The following SEC14L1 variants were observed in gnomAD, a reference collection of about 807,000 sequenced individuals.
SEC14L1 encodes the protein SEC14-like protein 1.
A neutral mutation model predicts 85.3 loss-of-function variants in SEC14L1; 48 were observed. That is an observed-to-expected ratio of 0.56 (90% confidence interval 0.45 to 0.72). The LOEUF (loss-of-function observed/expected upper bound fraction) is 0.72. Among genes scored for constraint, SEC14L1 ranks in the 30% least tolerant of loss-of-function variants. The pLI is 0.00. For synonymous variants in SEC14L1, 391 were observed against 355.5 expected (o/e 1.10, Z -1.12); for missense variants, 682 against 921.4 (o/e 0.74, Z 3.36).
chr17:77,142,584 C>G (rs1041343524), intron 1 of SEC14L1, 62 bp from the exon 2 acceptor site: 9 of 144,022 alleles, frequency 6.2e-5, no homozygotes, highest in Admixed American at 4.9e-4. Context: ...AAAAAGGAAT[C>G]TTGGAAGTTT....
intron 5 of SEC14L1, among the ~76,000 whole-genome samples, chr17:77,193,182 T>G (rs1475368636): frequency 2.6e-5 from 4 of 152,222 alleles, no homozygotes; most frequent in Non-Finnish European, 5.9e-5. Flanking sequence ...GAAGCTCTCC[T>G]TTTATAGTCA....
At chr17:77,175,450 A>G (rs968181754) in intron 3 of SEC14L1, among the ~76,000 whole-genome samples, 2 of 152,218 alleles carry the variant, frequency 1.3e-5, no homozygotes, top group Non-Finnish European at 2.9e-5. Context: ...AAATCGTTAC[A>G]GGTTCATAAC....
intron 3 of SEC14L1, among the ~76,000 whole-genome samples, chr17:77,185,920 G>A (rs1356686160): frequency 1.3e-5 from 2 of 152,152 alleles, no homozygotes; most frequent in African/African-American, 4.8e-5. Context: ...CAGATACTGA[G>A]TGATTTTTCA....
In SEC14L1 at chr17:77,147,714, C is replaced by T. The variant is rs1170587263; in HGVS notation, c.63+4055C>T. Among the ~76,000 whole-genome samples the T allele has an allele frequency of 2.0e-5, 3 of 152,280 alleles. No individual in the cohort carries two copies. The East Asian group carries it at 5.8e-4, about 29-fold the overall frequency. ...TGAAAGAGAAATCAAAACTTCTTGG[C>T]CACACACAAACGAAAGCCTCACACC... On this transcript the variant is annotated intron_variant, in intron 3 of 16. Transcript: ENST00000436233.
At chr17:77,198,630 A>G (rs1975941804) in intron 8 of SEC14L1, among the ~76,000 whole-genome samples, 1 of 149,838 alleles carries the variant, frequency 6.7e-6, no homozygotes, top group Admixed American at 6.7e-5. Context: ...GCTGGAGTGC[A>G]GTGGCGCGAT....
chr17:77,168,874 C>T (rs962219530), intron 3 of SEC14L1, among the ~76,000 whole-genome samples: 4 of 151,972 alleles, frequency 2.6e-5, no homozygotes, highest in Admixed American at 1.3e-4. Context: ...TATAGTTGAC[C>T]ACCAGAACAG....
rs866433757 is a variant in SEC14L1, at chr17:77,089,580, C to G, written c.-240+309C>G. The G allele has an allele frequency of 7.1e-5, 33 of 463,820 alleles. No homozygotes were observed. The Middle Eastern group carries it at 6.4e-3, about 90-fold the overall frequency. The allele number at this position is 463,820 out of a possible 1,614,324, so 28.7% of individuals were successfully genotyped here. ...TAAACAATGTTACTGTCATGTCTTT[C>G]ATTCAATAAACATTTGTTGATACAT... On this transcript the variant is annotated intron_variant, in intron 2 of 19. Transcript: ENST00000392476.
chr17:77,213,911 A>G lies in SEC14L1; in HGVS notation c.2043-7A>G, dbSNP rs1438519360. ...CTCACGCCTCGCCCCTCCCTGTGCC[A>G]TTACAGAGGTTCCATGACGAGCCTG... On this transcript the variant is annotated splice_polypyrimidine_tract_variant and splice_region_variant and intron_variant, in intron 16 of 16. Transcript: ENST00000436233. This position sits in a 1 kb window ranked among gnomAD's most constrained non-coding sequence, Gnocchi z 7.1. 3 of 1,612,392 alleles carry G rather than the reference A, an allele frequency of 1.9e-6. No individual in the cohort carries two copies. The highest frequency in any genetic ancestry group is 2.2e-5 in the East Asian group (1 of 44,840).
In SEC14L1 at chr17:77,212,024, T is replaced by C. The variant is rs930474375; in HGVS notation, c.1686T>C (p.Phe562=). 3.1e-6 allele frequency: 5 copies of C among 1,613,988 alleles called. No homozygotes were observed. In the African/African-American group the frequency reaches 6.7e-5, roughly 22 times the overall value. ...DFDVCKGDIV[F]NIYHSKRSPQ... is the part of the protein sequence containing the mutation. ...ACGTGTGCAAAGGGGACATTGTGTT[T>C]AACATCTATCACTCCAAGAGGTCGC... The change falls in exon 15 of 17, where the codon TTT becomes TTC. Residue 562 remains phenylalanine (F), a synonymous_variant. Transcript: ENST00000436233.
At position 77,214,102 on chromosome 17, in the gene SEC14L1, G is replaced by T; in HGVS notation, c.*79G>T. On this transcript the variant is annotated 3_prime_UTR_variant, in exon 17 of 17. Transcript: ENST00000436233. The stretch of plus-strand genomic sequence containing the variant: ...AGCCAGCTGCACCCGCCCACCCAGC[G>T]GCGACATTGTACAGACTCCTCTCAC... The T allele has an allele frequency of 1.3e-6, 2 of 1,554,752 alleles. No homozygotes were observed. Among genetic ancestry groups the T allele is most frequent in the South Asian group, 1.2e-5 (1 of 82,482 alleles).
At chr17:77,174,997 C>T (rs781569140) in intron 3 of SEC14L1, among the ~76,000 whole-genome samples, 21 of 152,040 alleles carry the variant, frequency 1.4e-4, no homozygotes, top group Non-Finnish European at 1.6e-4. Flanking sequence ...ATAGGATAAA[C>T]GCATGATTTG....
intron 2 of SEC14L1, among the ~76,000 whole-genome samples, chr17:77,092,556 A>T (rs1196384876): frequency 6.6e-6 from 1 of 152,070 alleles, no homozygotes; most frequent in Non-Finnish European, 1.5e-5. Flanking sequence ...TAGGTTGATA[A>T]CCAGGTTGTA....
chr17:77,152,322 G>T (rs928957628), intron 3 of SEC14L1, among the ~76,000 whole-genome samples: 48 of 152,140 alleles, frequency 3.2e-4, no homozygotes, highest in African/African-American at 1.1e-3. Flanking sequence ...GATCATTTGA[G>T]GTCAGGAGTT....
In SEC14L1 at chr17:77,180,066, A is replaced by G. The variant is rs780522285; in HGVS notation, c.64-10737A>G. ...TTGTTTTGTTATGTTATGTTATGTT[A>G]TGTTATGTTATGTTATGTTATGTTA... On this transcript the variant is annotated intron_variant, in intron 3 of 16. Transcript: ENST00000436233. Among the ~76,000 whole-genome samples the G allele has an allele frequency of 8.3e-4, 117 of 141,580 alleles. 2 individuals are homozygous for G. Among genetic ancestry groups the G allele is most frequent in the Non-Finnish European group, 1.5e-3 (95 of 65,098 alleles). 92.9% of individuals were successfully genotyped at this position (141,580 alleles called of 152,430 possible). A position where few individuals can be genotyped will look rare whatever the true frequency, so the allele number is the denominator to read the frequency against.
intron 3 of SEC14L1, among the ~76,000 whole-genome samples, chr17:77,184,419 G>A (rs1975175195): frequency 6.6e-6 from 1 of 152,100 alleles, no homozygotes; most frequent in Admixed American, 6.5e-5. Context: ...TTTCCTAATT[G>A]GCAATCCTTC....
In SEC14L1 at chr17:77,216,515, C is replaced by T. The variant is rs1272717004; in HGVS notation, c.*2492C>T. ...CAAATCACAAGGGCCTGAAGGTGGTCCCTGCTTTCTCTTTCTCTTTCTCTG... is the reference window on the plus strand; with the variant it reads ...CAAATCACAAGGGCCTGAAGGTGGTTCCTGCTTTCTCTTTCTCTTTCTCTG... On this transcript the variant is annotated 3_prime_UTR_variant, in exon 17 of 17. Coordinates refer to ENST00000436233, the MANE Select transcript of SEC14L1 (RefSeq NM_001143998.2). 8.7e-6 allele frequency: 14 copies of T among 1,612,948 alleles called. No individual in the cohort carries two copies. The highest frequency in any genetic ancestry group is 1.3e-5 in the African/African-American group (1 of 74,734).
Position 77,216,864 on chromosome 17 carries a change from T to G in SEC14L1, c.*2841T>G, listed in dbSNP as rs1977126562. On this transcript the variant is annotated 3_prime_UTR_variant, in exon 17 of 17. Coordinates refer to ENST00000436233, the MANE Select transcript of SEC14L1 (RefSeq NM_001143998.2). ...TGCAGTTTGCATCGTGTTTCTACCT[T>G]TAGTACCTTGCCACTCTTTTAAAAC... 1 of 367,912 alleles carries G rather than the reference T, an allele frequency of 2.7e-6. No homozygotes were observed. The highest frequency in any genetic ancestry group is 5.0e-6 in the Non-Finnish European group (1 of 201,332). The allele number at this position is 367,912 out of a possible 1,614,324, so 22.8% of individuals were successfully genotyped here.
At chr17:77,160,023 A>G (rs1973992667) in intron 3 of SEC14L1, among the ~76,000 whole-genome samples, 1 of 152,198 alleles carries the variant, frequency 6.6e-6, no homozygotes, top group African/African-American at 2.4e-5. Flanking sequence ...TGTGATTTAA[A>G]TTTTAAGTGC....
At chr17:77,100,805 G>A (rs62078276) in intron 3 of SEC14L1, among the ~76,000 whole-genome samples, 39,070 of 151,996 alleles carry the variant, frequency 0.26, 6,052 homozygotes, top group East Asian at 0.42. Flanking sequence ...GTAACTTTAC[G>A]TAAGGTCAAT....
Sources: allele counts gnomAD v4.1 joint callset (sites outside exome capture counted in the v4.1 genomes callset), GRCh38; gene constraint gnomAD v4.1.1; non-coding constraint Gnocchi (gnomAD v3.1); transcripts MANE v1.5; gene names NCBI Gene and HGNC (gene_info 2026-07-23, HGNC 2026-07-21).